Variants in ART3 observed in about 807,000 individuals in gnomAD.
ART3 encodes the protein ecto-ADP-ribosyltransferase 3.
Under a neutral mutation model 48.5 loss-of-function variants are expected in ART3, and 49 were observed. That is an observed-to-expected ratio of 1.01 (90% CI 0.80 to 1.28). The LOEUF is 1.28. Among genes scored for constraint, ART3 ranks in the 50% most tolerant of loss-of-function variants. ART3 has a pLI of 0.00. For missense variants in ART3, 438 were observed against 454.3 expected, an observed-to-expected ratio of 0.96 and a Z score of 0.33; for synonymous variants, 145 against 157.2, an observed-to-expected ratio of 0.92 and a Z score of 0.58.
intron 1 of ART3, among the ~76,000 whole-genome samples, chr4:76,055,978 A>T (rs1718642664): frequency 6.6e-6 from 1 of 152,208 alleles, no homozygotes; most frequent in South Asian, 2.1e-4. Context: ...AACTGATGTC[A>T]GTGCAATAGG....
At chr4:76,091,679 CTTTTTT>C (rs869226732) in intron 3 of ART3, among the ~76,000 whole-genome samples, 1 of 112,300 alleles carries the variant, frequency 8.9e-6, no homozygotes, top group Non-Finnish European at 1.8e-5. Flanking sequence ...TGTAGCTTAT[CTTTTTT>C]TTTTTTTTTT....
intron 7 of ART3, 40 bp from the exon 8 acceptor site, chr4:76,100,950 T>C (rs754848531): frequency 6.2e-7 from 1 of 1,610,336 alleles, no homozygotes. Context: ...AATTCTTTTG[T>C]TCCATTGTTA....
At position 76,108,718 on chromosome 4, in the gene ART3, A is replaced by G. The variant is rs536871945; in HGVS notation, c.1036+925A>G. ...TGTTAAGTGATTTTGTCGTTGTGCAAACATCATAGTGTGTACTTACCCAAC... is the reference window on the plus strand; with the variant it reads ...TGTTAAGTGATTTTGTCGTTGTGCAGACATCATAGTGTGTACTTACCCAAC... On this transcript the variant is annotated intron_variant, in intron 11 of 11. Coordinates refer to ENST00000355810, the MANE Select transcript of ART3 (RefSeq NM_001130016.3). Among the ~76,000 whole-genome samples, 3 of 152,268 alleles carry G rather than the reference A, an allele frequency of 2.0e-5. No homozygotes were observed. In the South Asian group the frequency reaches 6.2e-4, roughly 32 times the overall value.
intron 1 of ART3, among the ~76,000 whole-genome samples, chr4:76,054,154 G>C (rs751038621): frequency 2.0e-5 from 3 of 152,148 alleles, no homozygotes; most frequent in Non-Finnish European, 2.9e-5. Flanking sequence ...CTGGAGGAGA[G>C]GAGAAAATAG....
At chr4:76,104,034 A>G in intron 9 of ART3, 65 bp downstream of exon 9, 1 of 1,480,362 alleles carries the variant, frequency 6.8e-7, no homozygotes, top group Non-Finnish European at 9.4e-7. Context: ...CCAGGCATTT[A>G]AGAGAATACT....
At chr4:76,103,536 C>A (rs922384739) in intron 8 of ART3, among the ~76,000 whole-genome samples, 5 of 152,122 alleles carry the variant, frequency 3.3e-5, no homozygotes, top group Admixed American at 3.3e-4. Flanking sequence ...GTAAATATTT[C>A]TCTTGCAAAG....
chr4:76,058,809 A>G (rs1718918477), intron 1 of ART3, among the ~76,000 whole-genome samples: 1 of 152,198 alleles, frequency 6.6e-6, no homozygotes, highest in Non-Finnish European at 1.5e-5. Context: ...CCTTAGACAA[A>G]TTAAATTTAG....
chr4:76,104,418 T>A (rs1728018262), intron 9 of ART3, 179 bp from the exon 10 acceptor site: 1 of 985,312 alleles, frequency 1.0e-6, no homozygotes, highest in African/African-American at 1.7e-5. Context: ...ACTCCTCTAA[T>A]CATGGTGTGG....
intron 2 of ART3, 95 bp downstream of exon 2, chr4:76,076,053 G>T (rs1432837261): frequency 2.8e-6 from 3 of 1,090,612 alleles, no homozygotes; most frequent in Non-Finnish European, 4.0e-6. Flanking sequence ...CCAGACTGCT[G>T]GAGTGCAGTG....
chr4:76,109,494 G>A (rs537744087), intron 11 of ART3, among the ~76,000 whole-genome samples: 5 of 152,238 alleles, frequency 3.3e-5, no homozygotes, highest in Admixed American at 6.5e-5. Flanking sequence ...AGTTGAAGGA[G>A]TACAGTCTAA....
At chr4:76,101,051 C>G in intron 8 of ART3, 32 bp downstream of exon 8, 1 of 1,610,534 alleles carries the variant, frequency 6.2e-7, no homozygotes, top group Non-Finnish European at 8.5e-7. Context: ...TGGGGGCTTA[C>G]ATTTTGCAAT....
In ART3 at chr4:76,081,773, T is replaced by C. The variant is rs748391552; in HGVS notation, c.70-51T>C. 2.7e-5 allele frequency: 42 copies of C among 1,532,030 alleles called. No homozygotes were observed. In the South Asian group the frequency reaches 5.1e-4, roughly 19 times the overall value. 94.9% of individuals were successfully genotyped at this position (1,532,030 alleles called of 1,614,324 possible). On this transcript the variant is annotated intron_variant, in intron 2 of 11. Coordinates refer to ENST00000355810, the MANE Select transcript of ART3 (RefSeq NM_001130016.3). ...GGGGTAATAATGTGAGAGAAAATGA[T>C]ATTCACTGAATTTCTTATTTCAAGA...
rs187616987 is a variant in ART3 at position 76,047,522 on chromosome 4, T to C, written c.-9-28359T>C. On this transcript the variant is annotated intron_variant, in intron 1 of 9. Transcript: ENST00000341029. The stretch of plus-strand genomic sequence containing the variant: ...TAGCCGCTCGGGGAAGGCAGAAGGA[T>C]TTTCTTCCTTTCCCTGAGTTATGGC... Among the ~76,000 whole-genome samples, 22 of 152,052 alleles carry C rather than the reference T, an allele frequency of 1.4e-4. No individual in the cohort carries two copies. The East Asian group carries it at 4.3e-3, about 29-fold the overall frequency.
chr4:76,041,486 T>C (rs1414130440), intron 1 of ART3: 1 of 152,212 alleles, frequency 6.6e-6, no homozygotes, highest in Non-Finnish European at 1.5e-5. Context: ...CTGTCTTTTC[T>C]AACTTTATCC....
At chr4:76,035,296 C>T (rs766851546) in intron 1 of ART3, 2 of 1,613,846 alleles carry the variant, frequency 1.2e-6, no homozygotes, top group Non-Finnish European at 1.7e-6. Flanking sequence ...CTGCTTTTAC[C>T]CCAGGGCCTA....
chr4:76,089,274 T>C (rs1385646653), intron 3 of ART3, among the ~76,000 whole-genome samples: 1 of 152,178 alleles, frequency 6.6e-6, no homozygotes, highest in Non-Finnish European at 1.5e-5. Context: ...TTGCAAATGA[T>C]ATGGTTTGGA....
intron 1 of ART3, among the ~76,000 whole-genome samples, chr4:76,027,225 C>T (rs989061198): frequency 7.2e-5 from 11 of 152,210 alleles, no homozygotes; most frequent in African/African-American, 2.2e-4. Context: ...TGCACTCTAG[C>T]CTGGGCAACA....
chr4:76,079,726 A>G (rs754230152), intron 2 of ART3, among the ~76,000 whole-genome samples: 7 of 152,084 alleles, frequency 4.6e-5, no homozygotes, highest in Non-Finnish European at 8.8e-5. Flanking sequence ...GGGTTGAGCT[A>G]TACGTGGGAA....
chr4:76,022,389 T>A (rs1732929242), intron 1 of ART3: 1 of 1,613,586 alleles, frequency 6.2e-7, no homozygotes, highest in Non-Finnish European at 8.5e-7. Context: ...CTGCTTTCAG[T>A]AAATTCTTGA....
Sources: gnomAD v4.1 joint callset for allele counts (sites outside exome capture counted in the v4.1 genomes callset) on GRCh38, gnomAD v4.1.1 for gene constraint, MANE v1.5 for transcripts, NCBI Gene and HGNC (gene_info 2026-07-23, HGNC 2026-07-21) for gene names.